TENM4: variants seen among roughly 807,000 people sequenced by gnomAD.
TENM4 encodes the protein teneurin transmembrane protein 4, also known as teneurin-4.
TENM4 carries 82 observed loss-of-function variants against 243.3 expected under a neutral mutation model. The ratio of observed to expected loss-of-function variants is 0.34; its 90% CI spans 0.28 to 0.40. The LOEUF (loss-of-function observed/expected upper bound fraction) is 0.40. Among genes scored for constraint, TENM4 ranks in the 10% least tolerant of loss-of-function variants. TENM4 has a pLI of 1.00. For missense variants in TENM4, 3,138 were observed against 3,673.3 expected (o/e 0.85, Z 3.77); for synonymous variants, 1,412 against 1,456.3 (o/e 0.97, Z 0.69).
At chr11:78,857,912 G>C (rs1001945064) in intron 10 of TENM4, among the ~76,000 whole-genome samples, 11 of 152,208 alleles carry the variant, frequency 7.2e-5, no homozygotes, top group Admixed American at 2.6e-4. Context: ...TTTTGCTAGG[G>C]AGGCAGAACT....
At chr11:79,409,060 T>TTGTGTGTGTGTGTG (rs559211499) in intron 1 of TENM4, among the ~76,000 whole-genome samples, 2 of 141,984 alleles carry the variant, frequency 1.4e-5, no homozygotes, top group Admixed American at 7.0e-5. Flanking sequence ...GAGGGATATT[T>TTGTGTGTGTGTGTG]TGTGTGTGTG....
intron 28 of TENM4, among the ~76,000 whole-genome samples, chr11:78,690,855 A>G (rs1218648927): frequency 6.6e-6 from 1 of 152,184 alleles, no homozygotes. Flanking sequence ...CTCTTTGAAC[A>G]CCTGTAATCC....
intron 19 of TENM4, among the ~76,000 whole-genome samples, chr11:78,740,178 C>G (rs760950037): frequency 1.4e-4 from 22 of 152,234 alleles, no homozygotes; most frequent in Non-Finnish European, 7.3e-5. Context: ...AAAAAAAGAT[C>G]TCAAATTCAG....
intron 4 of TENM4, among the ~76,000 whole-genome samples, chr11:79,111,305 G>A (rs1448531421): frequency 6.6e-6 from 1 of 152,122 alleles, no homozygotes; most frequent in African/African-American, 2.4e-5. Context: ...CAGAACTTTG[G>A]GAGGCCGAGG....
rs545694201 is a variant in TENM4 at position 78,883,223 on chromosome 11, C to T, written c.1084+6562G>A. Among the ~76,000 whole-genome samples, 18 of 152,178 alleles carry T rather than the reference C, an allele frequency of 1.2e-4. No homozygotes were observed. In the South Asian group the frequency reaches 3.7e-3, roughly 32 times the overall value. On this transcript the variant is annotated intron_variant, in intron 9 of 33. Coordinates refer to ENST00000278550, the MANE Select transcript of TENM4 (RefSeq NM_001098816.3). ...TCATCTCATTTAACCTGCACAACAG[C>T]CTTATGAAAGTAATACTATTATTCC...
At chr11:78,998,016 G>A (rs1858220775) in intron 6 of TENM4, among the ~76,000 whole-genome samples, 1 of 152,146 alleles carries the variant, frequency 6.6e-6, no homozygotes, top group Non-Finnish European at 1.5e-5. Flanking sequence ...TAGCCAGAAC[G>A]TATGCCCTCA....
intron 4 of TENM4, among the ~76,000 whole-genome samples, chr11:79,143,582 C>T (rs916510067): frequency 1.3e-5 from 2 of 151,706 alleles, no homozygotes; most frequent in Admixed American, 6.6e-5. Context: ...ATGTAAATGA[C>T]GAGCTAATGG....
intron 28 of TENM4, among the ~76,000 whole-genome samples, chr11:78,695,024 G>A (rs764505775): frequency 2.6e-5 from 4 of 152,016 alleles, no homozygotes. Flanking sequence ...GTGCCTCAGC[G>A]TCCTTTATTT....
intron 1 of TENM4, among the ~76,000 whole-genome samples, chr11:79,431,558 A>T (rs1859169264): frequency 6.6e-6 from 1 of 152,348 alleles, no homozygotes; most frequent in African/African-American, 2.4e-5. Context: ...ATTAATTTGC[A>T]TTTCAACCAG....
rs747100917 is a variant in TENM4, at chr11:78,672,223, G to C, written c.5603C>G (p.Ala1868Gly). 1 of 1,613,930 alleles carries C rather than the reference G, an allele frequency of 6.2e-7. No homozygotes were observed. Among genetic ancestry groups the C allele is most frequent in the South Asian group, 1.1e-5 (1 of 91,090 alleles). Residue 1868 changes from alanine to glycine, a missense_variant, in exon 31 of 34, where the codon GCG becomes GGG. Transcript: ENST00000278550. ...GGGTGACCAGAGGCTGGGCCGCCCC[G>C]CCTGGTCGTACAGAATCCGAAGGGT... is the stretch of plus-strand genomic sequence containing the variant. Reference protein sequence around the residue: ...KFTLRILYDQAGRPSLWSPSS... With the variant: ...KFTLRILYDQGGRPSLWSPSS...
intron 12 of TENM4, among the ~76,000 whole-genome samples, chr11:78,824,336 G>A (rs1418824811): frequency 2.0e-5 from 3 of 152,092 alleles, no homozygotes; most frequent in Admixed American, 2.0e-4. Context: ...TGGAGCAAGA[G>A]CACAAAAGCG....
intron 20 of TENM4, 96 bp from the exon 21 acceptor site, chr11:78,732,673 C>A: frequency 7.2e-7 from 1 of 1,384,014 alleles, no homozygotes; most frequent in South Asian, 1.6e-5. Context: ...GAAAATTACA[C>A]CAAAGGGTCT....
At chr11:78,787,370 T>C (rs1856963528) in intron 15 of TENM4, among the ~76,000 whole-genome samples, 1 of 152,238 alleles carries the variant, frequency 6.6e-6, no homozygotes, top group Admixed American at 6.5e-5. Flanking sequence ...TGTAGGGCTC[T>C]GCTCAATTTG....
intron 1 of TENM4, among the ~76,000 whole-genome samples, chr11:79,386,762 TA>T (rs35026176): frequency 0.5 from 74,870 of 150,200 alleles, 18,562 homozygotes; most frequent in East Asian, 0.55. Context: ...TTTTTTTTTT[TA>T]AGTGAGCAAA....
intron 1 of TENM4, among the ~76,000 whole-genome samples, chr11:79,416,871 C>T (rs1858825746): frequency 7.6e-6 from 1 of 131,648 alleles, no homozygotes; most frequent in South Asian, 2.5e-4. Flanking sequence ...CATAACCAGA[C>T]AATGGCAAAA....
intron 2 of TENM4, among the ~76,000 whole-genome samples, chr11:79,228,853 T>C (rs1864324000): frequency 6.6e-6 from 1 of 152,248 alleles, no homozygotes; most frequent in African/African-American, 2.4e-5. Flanking sequence ...TTTGTTATAA[T>C]GAATGAACCA....
At chr11:79,428,165 C>T (rs912486645) in intron 1 of TENM4, among the ~76,000 whole-genome samples, 7 of 152,208 alleles carry the variant, frequency 4.6e-5, no homozygotes. Context: ...CATGCTCCCA[C>T]CCACTGAATC....
At chr11:79,049,596 G>C (rs980010479) in intron 6 of TENM4, among the ~76,000 whole-genome samples, 5 of 152,242 alleles carry the variant, frequency 3.3e-5, no homozygotes, top group Non-Finnish European at 7.3e-5. Context: ...AACCTGGCTG[G>C]TAAACAGTTG....
At chr11:78,688,271 C>G (rs774682809) in intron 28 of TENM4, 45 bp from the exon 29 acceptor site, 4 of 1,575,930 alleles carry the variant, frequency 2.5e-6, no homozygotes, top group Non-Finnish European at 3.5e-6. Flanking sequence ...TATAATGGTG[C>G]TCTAGCTGGA....
Sources: allele counts gnomAD v4.1 joint callset (sites outside exome capture counted in the v4.1 genomes callset), GRCh38; gene constraint gnomAD v4.1.1; transcripts MANE v1.5; gene names NCBI Gene and HGNC (gene_info 2026-07-23, HGNC 2026-07-21).